Variants in RPSA2 observed in about 807,000 individuals in gnomAD.
The protein encoded by RPSA2 is ribosomal protein SA 2.
At chr19:23,783,539 C>CAA in the RPSA2 span, among the ~76,000 whole-genome samples, 3,556 of 130,726 alleles carry the variant, frequency 0.027, 86 homozygotes, top group Non-Finnish European at 0.035. Context: ...TGAGCACTGC[C>CAA]AAAAAAAAAA....
the RPSA2 span, among the ~76,000 whole-genome samples, chr19:23,812,599 A>G: frequency 6.6e-6 from 1 of 151,924 alleles, no homozygotes; most frequent in Non-Finnish European, 1.5e-5. Flanking sequence ...GGGTTTCTCC[A>G]TGTTGGTTAG....
the RPSA2 span, among the ~76,000 whole-genome samples, chr19:23,801,668 C>T: frequency 6.6e-6 from 1 of 152,146 alleles, no homozygotes; most frequent in Non-Finnish European, 1.5e-5. Flanking sequence ...ATAAGTTAAA[C>T]CAATAATAAG....
chr19:23,790,789 TC>T, the RPSA2 span: 2 of 529,516 alleles, frequency 3.8e-6, 1 homozygote, highest in Non-Finnish European at 7.0e-6. Flanking sequence ...GATTGCCAGT[TC>T]CGACATCTGG....
At chr19:23,832,430 C>T in the RPSA2 span, 127 of 499,102 alleles carry the variant, frequency 2.5e-4, no homozygotes, top group South Asian at 1.9e-3. Context: ...CAATTCTCAA[C>T]CCTAACTAGA....
chr19:23,835,522 T>C, the RPSA2 span, among the ~76,000 whole-genome samples: 11 of 152,206 alleles, frequency 7.2e-5, no homozygotes, highest in Non-Finnish European at 1.5e-4. Flanking sequence ...ATCTTTTGGC[T>C]CAGGGTTCAG....
chr19:23,841,025 T>C, the RPSA2 span, among the ~76,000 whole-genome samples: 1 of 151,278 alleles, frequency 6.6e-6, no homozygotes, highest in Non-Finnish European at 1.5e-5. Flanking sequence ...GAACTTTACA[T>C]AAAACATGTT....
At chr19:23,847,985 T>C in the RPSA2 span, among the ~76,000 whole-genome samples, 2 of 152,288 alleles carry the variant, frequency 1.3e-5, no homozygotes, top group East Asian at 3.9e-4. Flanking sequence ...TGTCTTCCCT[T>C]GTTCCCTAAA....
At chr19:23,816,989 T>G in the RPSA2 span, among the ~76,000 whole-genome samples, 2 of 147,952 alleles carry the variant, frequency 1.4e-5, no homozygotes, top group African/African-American at 5.0e-5. Flanking sequence ...AAAAATGGAG[T>G]TTACATTAAA....
the RPSA2 span, among the ~76,000 whole-genome samples, chr19:23,817,093 ATT>A: frequency 6.6e-6 from 1 of 152,234 alleles, no homozygotes; most frequent in Non-Finnish European, 1.5e-5. Context: ...AACATTAAAA[ATT>A]TTTAGACTGG....
At chr19:23,804,994 G>A in the RPSA2 span, among the ~76,000 whole-genome samples, 3 of 52,712 alleles carry the variant, frequency 5.7e-5, no homozygotes, top group Non-Finnish European at 8.0e-5. Flanking sequence ...ACTAAAGAGG[G>A]GTCCAGGAAC....
At chr19:23,863,108 T>A in the RPSA2 span, among the ~76,000 whole-genome samples, 1 of 152,178 alleles carries the variant, frequency 6.6e-6, no homozygotes, top group Non-Finnish European at 1.5e-5. Context: ...TGAGTGTGTT[T>A]GGCTTAACAG....
chr19:23,810,758 G>A, the RPSA2 span, among the ~76,000 whole-genome samples: 1 of 152,114 alleles, frequency 6.6e-6, no homozygotes, highest in Non-Finnish European at 1.5e-5. Context: ...TCTTCCTCTA[G>A]GCCTCTGGAA....
At chr19:23,826,628 G>C in the RPSA2 span, among the ~76,000 whole-genome samples, 1 of 152,006 alleles carries the variant, frequency 6.6e-6, no homozygotes, top group Admixed American at 6.6e-5. Flanking sequence ...ATGCCATCAA[G>C]ATTTATATTT....
chr19:23,829,718 CTTT>C, the RPSA2 span, among the ~76,000 whole-genome samples: 1 of 152,180 alleles, frequency 6.6e-6, no homozygotes, highest in Admixed American at 6.5e-5. Context: ...AAAAATTCTT[CTTT>C]ATTACATCTT....
chr19:23,787,936 C>T, the RPSA2 span, among the ~76,000 whole-genome samples: 5 of 152,254 alleles, frequency 3.3e-5, no homozygotes, highest in East Asian at 1.9e-4. Flanking sequence ...CTTTTATCTT[C>T]GTTTTGTCCG....
chr19:23,857,247 C>G, the RPSA2 span, among the ~76,000 whole-genome samples: 1 of 152,142 alleles, frequency 6.6e-6, no homozygotes, highest in African/African-American at 2.4e-5. Context: ...ACAGTTATCA[C>G]AGGGTCCTGA....
chr19:23,804,514 C>A, the RPSA2 span, among the ~76,000 whole-genome samples: 8 of 152,006 alleles, frequency 5.3e-5, no homozygotes, highest in Middle Eastern at 3.4e-3. Flanking sequence ...CCAGGATGGT[C>A]TCGATCTCCT....
the RPSA2 span, chr19:23,827,852 T>A: frequency 1.3e-5 from 17 of 1,316,476 alleles, no homozygotes; most frequent in East Asian, 3.7e-4. Context: ...TCAGGGTGAA[T>A]GGACTGCTCC....
At chr19:23,761,052 G>GTGTA in the RPSA2 span, among the ~76,000 whole-genome samples, 45 of 148,008 alleles carry the variant, frequency 3.0e-4, no homozygotes, top group African/African-American at 6.3e-4. Context: ...GTATATATGT[G>GTGTA]TATATATATA....
Sources: gnomAD v4.1 joint callset for allele counts (sites outside exome capture counted in the v4.1 genomes callset) on GRCh38, gnomAD v4.1.1 for gene constraint, MANE v1.5 for transcripts, NCBI Gene and HGNC (gene_info 2026-07-23, HGNC 2026-07-21) for gene names.